CTNNA2: variants seen among roughly 807,000 people sequenced by gnomAD.
The protein encoded by CTNNA2 is catenin alpha 2.
A neutral mutation model predicts 101.0 loss-of-function variants in CTNNA2; 42 were observed. The ratio of observed to expected loss-of-function variants is 0.42; its 90% CI spans 0.32 to 0.54. CTNNA2 has a LOEUF of 0.54. Among genes scored for constraint, CTNNA2 ranks in the 20% least tolerant of loss-of-function variants. The pLI is 0.14. For synonymous variants in CTNNA2, 450 were observed against 456.4 expected (o/e 0.99, Z 0.18); for missense variants, 871 against 1,223.1 (o/e 0.71, Z 4.29).
chr2:80,330,193 T>A (rs1248338299), intron 7 of CTNNA2, among the ~76,000 whole-genome samples: 2 of 152,222 alleles, frequency 1.3e-5, no homozygotes, highest in African/African-American at 4.8e-5. Flanking sequence ...AGCTATCTTG[T>A]GCCAAGCAAG....
chr2:80,647,687 G>C lies in CTNNA2; in HGVS notation c.2677G>C (p.Val893Leu). Residue 893 changes from valine (V) to leucine (L), a missense_variant, in exon 19 of 19, where the codon GTC (valine) becomes CTC (leucine). Physicochemically the swap from Val to Leu is conservative, Grantham distance 32. Coordinates refer to ENST00000402739, the MANE Select transcript of CTNNA2 (RefSeq NM_001282597.3). ...SYVASTKYQK[V>L]YGTAAVNSPV... is the part of the protein sequence containing the mutation. Reference sequence around the variant, plus strand: ...TGTGGCCTCAACCAAATACCAGAAGGTCTATGGGACAGCAGCTGTCAACTC... The same window carrying C: ...TGTGGCCTCAACCAAATACCAGAAGCTCTATGGGACAGCAGCTGTCAACTC... The C allele has an allele frequency of 6.2e-7, 1 of 1,613,512 alleles. No homozygotes were observed. Among genetic ancestry groups the C allele is most frequent in the South Asian group, 1.1e-5 (1 of 91,066 alleles).
intron 3 of CTNNA2, among the ~76,000 whole-genome samples, chr2:79,751,012 TTAAG>T (rs1358341102): frequency 2.0e-5 from 3 of 152,178 alleles, no homozygotes; most frequent in Non-Finnish European, 4.4e-5. Flanking sequence ...GGAATATGTG[TTAAG>T]TATATACTGG....
At chr2:80,202,446 T>G (rs1332457785) in intron 7 of CTNNA2, among the ~76,000 whole-genome samples, 1 of 152,162 alleles carries the variant, frequency 6.6e-6, no homozygotes, top group Non-Finnish European at 1.5e-5. Context: ...CAGGGAAGGC[T>G]TCCCCTATTG....
At chr2:79,631,724 G>GA (rs1325613832) in intron 1 of CTNNA2, among the ~76,000 whole-genome samples, 1 of 152,070 alleles carries the variant, frequency 6.6e-6, no homozygotes, top group East Asian at 1.9e-4. Context: ...TTCTAAAGCA[G>GA]AAAAAAAGTA....
chr2:79,943,914 G>T (rs1375322421), intron 7 of CTNNA2, among the ~76,000 whole-genome samples: 1 of 152,152 alleles, frequency 6.6e-6, no homozygotes, highest in Non-Finnish European at 1.5e-5. Context: ...TAATCATAAT[G>T]TGTTAGTTCT....
intron 7 of CTNNA2, among the ~76,000 whole-genome samples, chr2:80,314,708 T>A (rs530561825): frequency 1.8e-4 from 28 of 152,316 alleles, no homozygotes; most frequent in African/African-American, 6.5e-4. Context: ...TATGTCAATG[T>A]CTAGCTGGTG....
intron 9 of CTNNA2, among the ~76,000 whole-genome samples, chr2:80,481,186 G>A (rs892916375): frequency 6.6e-6 from 1 of 152,144 alleles, no homozygotes; most frequent in Non-Finnish European, 1.5e-5. Flanking sequence ...ATTAGTGCAA[G>A]AGAGAAGTTT....
chr2:79,852,272 G>A (rs928745830), intron 3 of CTNNA2, among the ~76,000 whole-genome samples: 4 of 152,148 alleles, frequency 2.6e-5, no homozygotes, highest in Non-Finnish European at 4.4e-5. Flanking sequence ...AGATGTGAAT[G>A]CTCTTTTGGC....
chr2:79,526,647 A>G (rs138353876), intron 1 of CTNNA2, among the ~76,000 whole-genome samples: 3 of 152,122 alleles, frequency 2.0e-5, no homozygotes, highest in African/African-American at 7.2e-5. Context: ...CTGGAATAGA[A>G]TTGAGCATTC....
At chr2:80,646,692 A>C (rs2149871718) in intron 18 of CTNNA2, among the ~76,000 whole-genome samples, 1 of 152,116 alleles carries the variant, frequency 6.6e-6, no homozygotes, top group East Asian at 1.9e-4. Flanking sequence ...AGACAGAAAA[A>C]AGGTAACCCA....
chr2:79,310,480 G>A (rs536897162), intron 2 of CTNNA2, among the ~76,000 whole-genome samples: 5 of 152,172 alleles, frequency 3.3e-5, no homozygotes, highest in African/African-American at 9.6e-5. Context: ...TGGTTATCAC[G>A]TAACCTCAGA....
At chr2:79,538,525 G>C (rs1673211150) in intron 1 of CTNNA2, among the ~76,000 whole-genome samples, 1 of 152,154 alleles carries the variant, frequency 6.6e-6, no homozygotes, top group Non-Finnish European at 1.5e-5. Flanking sequence ...ATGTTGGATG[G>C]GGTGAATGGG....
At chr2:80,324,281 C>T (rs1163278754) in intron 7 of CTNNA2, among the ~76,000 whole-genome samples, 2 of 152,116 alleles carry the variant, frequency 1.3e-5, no homozygotes, top group Non-Finnish European at 2.9e-5. Context: ...CTTGGATCCT[C>T]GTGGGCCGCT....
rs1215619935 is a variant in CTNNA2 at position 80,303,250 on chromosome 2, G to A, written c.1057-89961G>A. 1 of 1,613,578 alleles carries A rather than the reference G, an allele frequency of 6.2e-7. No individual in the cohort carries two copies. The highest frequency in any genetic ancestry group is 1.3e-5 in the African/African-American group (1 of 74,924). On this transcript the variant is annotated intron_variant, in intron 7 of 18. Coordinates refer to ENST00000402739, the MANE Select transcript of CTNNA2 (RefSeq NM_001282597.3). This position sits in a 1 kb window ranked among gnomAD's most constrained non-coding sequence, Gnocchi z 7.7. ...TCTTGAGCTGATTGTATCCGATGTCGAGAAACTTGAGGCTGCGGCAGTCCT... is the reference window on the plus strand; with the variant it reads ...TCTTGAGCTGATTGTATCCGATGTCAAGAAACTTGAGGCTGCGGCAGTCCT...
chr2:80,508,556 C>T (rs1369333224), intron 9 of CTNNA2, among the ~76,000 whole-genome samples: 1 of 151,788 alleles, frequency 6.6e-6, no homozygotes, highest in Non-Finnish European at 1.5e-5. Context: ...GTAGCTTTAC[C>T]CTACAACATA....
rs191995663 is a variant in CTNNA2 at position 79,215,197 on chromosome 2, T to C, written c.-406+17121T>C. 3.9e-3 allele frequency among the ~76,000 whole-genome samples: 599 copies of C among 152,286 alleles called. 2 individuals are homozygous for C. The highest frequency in any genetic ancestry group is 0.014 in the Middle Eastern group (4 of 294). On this transcript the variant is annotated intron_variant, in intron 2 of 21. Transcript: ENST00000466387. ...AACAGTCCGATTTTCAGTGGGGTCC[T>C]GCACAGATGGGACGTGGCTTAGGAG...
rs1174476139 is a variant in CTNNA2, at chr2:79,790,885, C to G, written c.298+46303C>G. On this transcript the variant is annotated intron_variant, in intron 3 of 18. Transcript: ENST00000402739. ...ATTAGGGCCATATAATTATTTTCACCTGGCTTATTCCTCAGAAGTAGAAAT... is the reference window on the plus strand; with the variant it reads ...ATTAGGGCCATATAATTATTTTCACGTGGCTTATTCCTCAGAAGTAGAAAT... Among the ~76,000 whole-genome samples, 3 of 152,176 alleles carry G rather than the reference C, an allele frequency of 2.0e-5. No individual in the cohort carries two copies. The East Asian group carries it at 5.8e-4, about 29-fold the overall frequency.
chr2:79,940,756 C>A (rs113957952), intron 7 of CTNNA2, among the ~76,000 whole-genome samples: 1 of 152,222 alleles, frequency 6.6e-6, no homozygotes, highest in Admixed American at 6.5e-5. Flanking sequence ...GGCACACTTA[C>A]AGTAGCCTAT....
chr2:79,977,297 A>G (rs1019239072), intron 7 of CTNNA2, among the ~76,000 whole-genome samples: 6 of 151,438 alleles, frequency 4.0e-5, no homozygotes, highest in African/African-American at 1.5e-4. Flanking sequence ...TGTAATTATC[A>G]TGTAGACCCA....
Sources: allele counts gnomAD v4.1 joint callset (sites outside exome capture counted in the v4.1 genomes callset), GRCh38; gene constraint gnomAD v4.1.1; non-coding constraint Gnocchi (gnomAD v3.1); transcripts MANE v1.5; gene names NCBI Gene and HGNC (gene_info 2026-07-23, HGNC 2026-07-21).